NDUFS4: variants seen among roughly 807,000 people sequenced by gnomAD.
NDUFS4 encodes NADH:ubiquinone oxidoreductase subunit S4.
A neutral mutation model predicts 24.3 loss-of-function variants in NDUFS4; 28 were observed. That is an observed-to-expected ratio of 1.15 (90% CI 0.85 to 1.58). The LOEUF is 1.58. Among genes scored for constraint, NDUFS4 ranks in the 40% most tolerant of loss-of-function variants. The pLI is 0.00. For missense variants in NDUFS4, 223 were observed against 207.9 expected (o/e 1.07, Z -0.45); for synonymous variants, 93 against 69.7 (o/e 1.34, Z -1.67).
At chr5:53,669,600 T>TTC (rs1488319426) in intron 4 of NDUFS4, among the ~76,000 whole-genome samples, 1 of 152,200 alleles carries the variant, frequency 6.6e-6, no homozygotes, top group African/African-American at 2.4e-5. Context: ...TAGTATGGTT[T>TTC]TCTCTTTTAC....
chr5:53,673,586 C>T (rs1740355350), intron 4 of NDUFS4, among the ~76,000 whole-genome samples: 1 of 152,150 alleles, frequency 6.6e-6, no homozygotes, highest in Non-Finnish European at 1.5e-5. Context: ...AATGATAAGA[C>T]ATTCTCTTTC....
intron 4 of NDUFS4, among the ~76,000 whole-genome samples, chr5:53,672,455 A>G (rs1279471874): frequency 6.6e-6 from 1 of 152,172 alleles, no homozygotes. Context: ...ATTAAGTAGA[A>G]CACAGGACAG....
intron 1 of NDUFS4, among the ~76,000 whole-genome samples, chr5:53,582,613 C>T: frequency 6.6e-6 from 1 of 152,158 alleles, no homozygotes; most frequent in East Asian, 1.9e-4. Flanking sequence ...TCTTTTTCAT[C>T]AACATATAAC....
chr5:53,672,288 A>G (rs1740298613), intron 4 of NDUFS4, among the ~76,000 whole-genome samples: 2 of 152,196 alleles, frequency 1.3e-5, no homozygotes, highest in Admixed American at 6.5e-5. Flanking sequence ...ATATAGGTAT[A>G]AATTGCAAGT....
intron 1 of NDUFS4, among the ~76,000 whole-genome samples, chr5:53,581,213 C>G: frequency 6.6e-6 from 1 of 152,176 alleles, no homozygotes; most frequent in East Asian, 1.9e-4. Context: ...ATTCTTCTCT[C>G]CTTCCTCTCT....
At chr5:53,611,008 TCATC>T (rs1189163629) in intron 2 of NDUFS4, among the ~76,000 whole-genome samples, 1 of 152,142 alleles carries the variant, frequency 6.6e-6, no homozygotes, top group Non-Finnish European at 1.5e-5. Context: ...GTGTTTCTTT[TCATC>T]CATCTTTAGT....
At chr5:53,674,798 AG>A (rs1009482690) in intron 4 of NDUFS4, among the ~76,000 whole-genome samples, 1 of 152,228 alleles carries the variant, frequency 6.6e-6, no homozygotes, top group Non-Finnish European at 1.5e-5. Context: ...ACATTAAACA[AG>A]TAATTTTGGC....
chr5:53,627,341 T>G (rs1031174704), intron 2 of NDUFS4, among the ~76,000 whole-genome samples: 1 of 152,214 alleles, frequency 6.6e-6, no homozygotes, highest in Non-Finnish European at 1.5e-5. Flanking sequence ...TTCTTTTTGC[T>G]TAGGATTGTC....
chr5:53,627,540 G>A (rs1390512495), intron 2 of NDUFS4, among the ~76,000 whole-genome samples: 2 of 152,030 alleles, frequency 1.3e-5, no homozygotes. Context: ...GTTTGTTCGT[G>A]TCCTCTTTTA....
chr5:53,676,829 C>T (rs256096), intron 4 of NDUFS4, among the ~76,000 whole-genome samples: 30,909 of 151,716 alleles, frequency 0.2, 3,658 homozygotes, highest in East Asian at 0.46. Flanking sequence ...ATAAACTTTA[C>T]GTGAATTCAT....
chr5:53,598,442 C>T (rs548729498), intron 1 of NDUFS4, among the ~76,000 whole-genome samples: 4 of 152,010 alleles, frequency 2.6e-5, no homozygotes, highest in Non-Finnish European at 5.9e-5. Context: ...AGGATTTCCA[C>T]GGGTTTATTA....
chr5:53,609,316 A>G (rs1374585857), intron 2 of NDUFS4, among the ~76,000 whole-genome samples: 1 of 152,244 alleles, frequency 6.6e-6, no homozygotes, highest in Admixed American at 6.5e-5. Context: ...GTTAGCAGGC[A>G]TGAAAGCGAC....
At chr5:53,580,083 A>G (rs1311934335) in intron 1 of NDUFS4, among the ~76,000 whole-genome samples, 1 of 152,220 alleles carries the variant, frequency 6.6e-6, no homozygotes, top group African/African-American at 2.4e-5. Flanking sequence ...CAAATTTCGT[A>G]GTAATTTGTT....
chr5:53,606,013 C>CA (rs11329751), intron 2 of NDUFS4, among the ~76,000 whole-genome samples: 9,580 of 76,808 alleles, frequency 0.12, 536 homozygotes, highest in Non-Finnish European at 0.14. Context: ...GACTCCGTCT[C>CA]AAAAAAAAAA....
intron 2 of NDUFS4, among the ~76,000 whole-genome samples, chr5:53,637,016 A>C (rs1449296197): frequency 6.6e-6 from 1 of 152,212 alleles, no homozygotes; most frequent in African/African-American, 2.4e-5. Context: ...CAATGTGAGA[A>C]CAGGCTAATA....
At chr5:53,681,983 C>T (rs201627478) in intron 4 of NDUFS4, among the ~76,000 whole-genome samples, 1 of 97,214 alleles carries the variant, frequency 1.0e-5, no homozygotes, top group Admixed American at 1.0e-4. Flanking sequence ...AAGAGGCTCA[C>T]TTAATTAGAC....
At chr5:53,572,880 G>A (rs1291441698) in intron 1 of NDUFS4, among the ~76,000 whole-genome samples, 4 of 151,158 alleles carry the variant, frequency 2.6e-5, no homozygotes, top group African/African-American at 9.7e-5. Context: ...TCCCGACCTC[G>A]TGATCCACCT....
At chr5:53,657,306 C>CATAT (rs1347795694) in intron 3 of NDUFS4, among the ~76,000 whole-genome samples, 1 of 152,048 alleles carries the variant, frequency 6.6e-6, no homozygotes, top group Non-Finnish European at 1.5e-5. Flanking sequence ...TATAGCCAGC[C>CATAT]ATATGAAGCT....
chr5:53,595,154 C>T (rs1750095261), intron 1 of NDUFS4, among the ~76,000 whole-genome samples: 1 of 152,086 alleles, frequency 6.6e-6, no homozygotes, highest in Admixed American at 6.6e-5. Flanking sequence ...TGGGCATATA[C>T]AGGTATTTTA....
Sources: allele counts gnomAD v4.1 joint callset (sites outside exome capture counted in the v4.1 genomes callset), GRCh38; gene constraint gnomAD v4.1.1; transcripts MANE v1.5; gene names NCBI Gene and HGNC (gene_info 2026-07-23, HGNC 2026-07-21).